CTNNA2: variants seen among roughly 807,000 people sequenced by gnomAD.
CTNNA2 encodes catenin alpha-2.
In CTNNA2, 42 loss-of-function variants were observed where a neutral mutation model predicts 101.0. The observed-to-expected ratio is 0.42, with a 90% CI of 0.32 to 0.54. The LOEUF (loss-of-function observed/expected upper bound fraction) is 0.54. Ranked by LOEUF, CTNNA2 falls within the 20% of genes least tolerant of loss-of-function variation. The pLI is 0.14. For missense variants in CTNNA2, 871 were observed against 1,223.1 expected (o/e 0.71, Z 4.29); for synonymous variants, 450 against 456.4 (o/e 0.99, Z 0.18).
chr2:79,708,038 C>T (rs529552519), intron 2 of CTNNA2, among the ~76,000 whole-genome samples: 1 of 152,192 alleles, frequency 6.6e-6, no homozygotes, highest in Admixed American at 6.5e-5. Context: ...AATTATAGAC[C>T]TTTCACTTCT....
At chr2:79,251,505 G>A (rs1435651264) in intron 2 of CTNNA2, among the ~76,000 whole-genome samples, 3 of 152,096 alleles carry the variant, frequency 2.0e-5, no homozygotes, top group Non-Finnish European at 4.4e-5. Flanking sequence ...AACCAATAGT[G>A]TACAGCAGAG....
intron 1 of CTNNA2, chr2:79,514,684 C>T (rs1671713730): frequency 6.6e-6 from 1 of 152,130 alleles, no homozygotes; most frequent in Non-Finnish European, 1.5e-5. Flanking sequence ...TCAGAAGGGT[C>T]CAACAGTGTA....
chr2:79,442,915 A>G (rs1490328154), intron 4 of CTNNA2, among the ~76,000 whole-genome samples: 1 of 152,132 alleles, frequency 6.6e-6, no homozygotes, highest in Non-Finnish European at 1.5e-5. Context: ...CACCTCACAC[A>G]TGCTTACACT....
Position 79,651,304 on chromosome 2 carries a change from A to G in CTNNA2, c.-5-248A>G, listed in dbSNP as rs1227112042. On this transcript the variant is annotated intron_variant, in intron 1 of 18. Coordinates refer to ENST00000402739, the MANE Select transcript of CTNNA2 (RefSeq NM_001282597.3). ...GAGTAAATGAAATATTTCAGTGGCT[A>G]TTGGGTCCCAAAAGCAGGCCTAAGG... Among the ~76,000 whole-genome samples the G allele has an allele frequency of 2.0e-5, 3 of 152,150 alleles. No homozygotes were observed. The East Asian group carries it at 5.8e-4, about 29-fold the overall frequency.
At chr2:79,532,429 T>C (rs1672802939) in intron 1 of CTNNA2, among the ~76,000 whole-genome samples, 1 of 152,154 alleles carries the variant, frequency 6.6e-6, no homozygotes, top group East Asian at 1.9e-4. Flanking sequence ...TATTTTGCTA[T>C]AGTACTACTG....
chr2:79,384,790 T>A (rs1314563204), intron 4 of CTNNA2, among the ~76,000 whole-genome samples: 2 of 151,956 alleles, frequency 1.3e-5, no homozygotes, highest in Non-Finnish European at 1.5e-5. Context: ...AGTCCAGCCA[T>A]CCCACCTTCA....
chr2:80,009,760 G>GTGTC (rs1162049064), intron 7 of CTNNA2, among the ~76,000 whole-genome samples: 1 of 143,516 alleles, frequency 7.0e-6, no homozygotes, highest in Non-Finnish European at 1.6e-5. Context: ...GTCAGAGAGA[G>GTGTC]AGACAGAGAG....
chr2:79,848,384 C>T (rs1286880280), intron 3 of CTNNA2, among the ~76,000 whole-genome samples: 1 of 152,142 alleles, frequency 6.6e-6, no homozygotes, highest in Non-Finnish European at 1.5e-5. Context: ...TTATGGTCTT[C>T]TCTTGCATTC....
chr2:79,961,845 C>T (rs1689659932), intron 7 of CTNNA2, among the ~76,000 whole-genome samples: 1 of 137,332 alleles, frequency 7.3e-6, no homozygotes, highest in African/African-American at 2.7e-5. Context: ...AAAAAAAAAG[C>T]TGGCTCTGTT....
At chr2:79,676,787 C>A (rs1341878855) in intron 2 of CTNNA2, among the ~76,000 whole-genome samples, 1 of 152,240 alleles carries the variant, frequency 6.6e-6, no homozygotes, top group Admixed American at 6.5e-5. Flanking sequence ...GGAAAGGATT[C>A]ATTCTGAGAT....
In CTNNA2 at chr2:80,303,839, G is replaced by C; in HGVS notation, c.1057-89372G>C. ...ATCCATTAGCGAGAATCTTTCCAGA[G>C]AGACTGGAGAATGTCCATTGGAAGC... On this transcript the variant is annotated intron_variant, in intron 7 of 18. Coordinates refer to ENST00000402739, the MANE Select transcript of CTNNA2 (RefSeq NM_001282597.3). The surrounding 1 kb of genome is among the most constrained non-coding windows in gnomAD (Gnocchi z 7.7). 1 of 1,496,142 alleles carries C rather than the reference G, an allele frequency of 6.7e-7. No individual in the cohort carries two copies. Among genetic ancestry groups the C allele is most frequent in the Non-Finnish European group, 8.9e-7 (1 of 1,122,226 alleles). The allele number at this position is 1,496,142 out of a possible 1,614,324, so 92.7% of individuals were successfully genotyped here. A position where few individuals can be genotyped will look rare whatever the true frequency, so the allele number is the denominator to read the frequency against.
chr2:79,228,255 C>T (rs968236427), intron 2 of CTNNA2, among the ~76,000 whole-genome samples: 1 of 152,124 alleles, frequency 6.6e-6, no homozygotes, highest in African/African-American at 2.4e-5. Context: ...AATTATTTTC[C>T]TTTGGTATAT....
intron 7 of CTNNA2, among the ~76,000 whole-genome samples, chr2:80,090,146 CTGTGTGTGTGTGTGTGTGTGTGTGTGTG>C (rs35203371): frequency 7.1e-6 from 1 of 140,626 alleles, no homozygotes; most frequent in East Asian, 2.1e-4. Flanking sequence ...CTCTCTCTCT[CTGTGTGTGTGTGTGTGTGTGTGTGTGTG>C]TGTGTGTGTG....
chr2:79,241,003 A>G (rs1438639623), intron 2 of CTNNA2, among the ~76,000 whole-genome samples: 1 of 152,062 alleles, frequency 6.6e-6, no homozygotes, highest in African/African-American at 2.4e-5. Context: ...TCTGGGCTTC[A>G]CTCAACATAT....
At chr2:79,952,563 GA>G (rs1467852406) in intron 7 of CTNNA2, among the ~76,000 whole-genome samples, 2 of 152,164 alleles carry the variant, frequency 1.3e-5, no homozygotes, top group Non-Finnish European at 2.9e-5. Context: ...AAAATTTTAT[GA>G]AAGACATTTT....
rs575534298 is a variant in CTNNA2, at chr2:80,142,939, A to G, written c.1056+233142A>G. ...ACAATGCCTCATAATGATAAGTGGAAAAGAGAGATGAAAAGGGGCTTTACT... is the reference window on the plus strand; with the variant it reads ...ACAATGCCTCATAATGATAAGTGGAGAAGAGAGATGAAAAGGGGCTTTACT... On this transcript the variant is annotated intron_variant, in intron 7 of 18. Transcript: ENST00000402739. Among the ~76,000 whole-genome samples, 50 of 151,336 alleles carry G rather than the reference A, an allele frequency of 3.3e-4. 1 individual carries two copies. Among genetic ancestry groups the G allele is most frequent in the Admixed American group, 1.7e-3 (26 of 15,226 alleles).
chr2:79,702,436 A>T (rs1685074639), intron 2 of CTNNA2, among the ~76,000 whole-genome samples: 1 of 152,106 alleles, frequency 6.6e-6, no homozygotes. Context: ...AACCTGAAAG[A>T]TTTGCTGTCT....
intron 7 of CTNNA2, among the ~76,000 whole-genome samples, chr2:79,957,672 A>G (rs1485675472): frequency 6.6e-6 from 1 of 152,172 alleles, no homozygotes; most frequent in African/African-American, 2.4e-5. Context: ...AACCATTCAA[A>G]GTGTCTTGAA....
chr2:79,947,700 G>A (rs191447651), intron 7 of CTNNA2, among the ~76,000 whole-genome samples: 1 of 152,272 alleles, frequency 6.6e-6, no homozygotes, highest in African/African-American at 2.4e-5. Flanking sequence ...GCAGGGAGAT[G>A]AGGGTGTATT....
Sources: gnomAD v4.1 joint callset for allele counts (sites outside exome capture counted in the v4.1 genomes callset) on GRCh38, gnomAD v4.1.1 for gene constraint, Gnocchi (gnomAD v3.1) non-coding constraint, MANE v1.5 for transcripts, NCBI Gene and HGNC (gene_info 2026-07-23, HGNC 2026-07-21) for gene names.